CADM2: variants seen among roughly 807,000 people sequenced by gnomAD.
CADM2 encodes the protein immunoglobulin superfamily member 4D.
Under a neutral mutation model 49.8 loss-of-function variants are expected in CADM2, and 12 were observed. The observed-to-expected ratio is 0.24, with a 90% CI of 0.15 to 0.39. The LOEUF (loss-of-function observed/expected upper bound fraction) is 0.39, where lower values mean the gene tolerates loss of function less well. Ranked by LOEUF, CADM2 falls within the 10% of genes least tolerant of loss-of-function variation. CADM2 has a pLI of 1.00. For missense variants in CADM2, 378 were observed against 492.3 expected (o/e 0.77, Z 2.20); for synonymous variants, 214 against 175.4 (o/e 1.22, Z -1.74).
intron 1 of CADM2, among the ~76,000 whole-genome samples, chr3:85,343,852 T>C (rs1300395055): frequency 6.6e-6 from 1 of 152,198 alleles, no homozygotes; most frequent in African/African-American, 2.4e-5. Flanking sequence ...TACTTCACTC[T>C]CATAACTTTT....
chr3:85,197,933 A>G (rs2041384918), intron 1 of CADM2, among the ~76,000 whole-genome samples: 1 of 151,866 alleles, frequency 6.6e-6, no homozygotes, highest in Admixed American at 6.6e-5. Flanking sequence ...TTTGTCTTCA[A>G]GTCAGGTTGT....
intron 8 of CADM2, among the ~76,000 whole-genome samples, chr3:86,017,896 CTTTAAG>C (rs1732513638): frequency 7.0e-6 from 1 of 143,212 alleles, no homozygotes; most frequent in Non-Finnish European, 1.5e-5. Context: ...TTTTATTATA[CTTTAAG>C]TTTTAGGGTA....
At chr3:85,729,701 T>C (rs923422962) in intron 2 of CADM2, among the ~76,000 whole-genome samples, 5 of 152,234 alleles carry the variant, frequency 3.3e-5, no homozygotes, top group Non-Finnish European at 7.3e-5. Context: ...TCTAACGTAT[T>C]GCTAAGGCTC....
At chr3:85,412,125 G>A (rs936097601) in intron 1 of CADM2, among the ~76,000 whole-genome samples, 5 of 152,020 alleles carry the variant, frequency 3.3e-5, no homozygotes, top group African/African-American at 4.8e-5. Flanking sequence ...CCAACATGCC[G>A]GGCCCACATC....
intron 1 of CADM2, among the ~76,000 whole-genome samples, chr3:85,491,773 A>C (rs991018049): frequency 1.3e-5 from 2 of 151,954 alleles, no homozygotes; most frequent in African/African-American, 4.8e-5. Flanking sequence ...GACATGGTGA[A>C]ACCCCATCTC....
At chr3:86,027,228 G>C (rs910167289) in intron 8 of CADM2, among the ~76,000 whole-genome samples, 1 of 151,972 alleles carries the variant, frequency 6.6e-6, no homozygotes, top group Non-Finnish European at 1.5e-5. Context: ...CACAGCATTA[G>C]TTTATGCTCT....
At chr3:85,273,343 A>G (rs934584945) in intron 1 of CADM2, among the ~76,000 whole-genome samples, 2 of 151,286 alleles carry the variant, frequency 1.3e-5, no homozygotes, top group African/African-American at 4.8e-5. Context: ...GAAGAGGAAC[A>G]TGACTTAGTT....
At chr3:85,270,781 A>G (rs923512158) in intron 1 of CADM2, among the ~76,000 whole-genome samples, 2 of 151,400 alleles carry the variant, frequency 1.3e-5, no homozygotes, top group Admixed American at 1.3e-4. Flanking sequence ...ACACATATCT[A>G]TAAATTTGGC....
chr3:85,526,462 CAACAA>C (rs1012712135), intron 1 of CADM2, among the ~76,000 whole-genome samples: 175 of 152,042 alleles, frequency 1.2e-3, no homozygotes, highest in African/African-American at 4.0e-3. Flanking sequence ...AGTAGGTTTT[CAACAA>C]AACAAAACAA....
rs193101179 is a variant in CADM2 at position 86,048,752 on chromosome 3, A to G, written c.971-16853A>G. ...GACATAACTACTGTTATCTCCAATA[A>G]GTTTACATTGTACAAACAAGGAAAG... is the stretch of plus-strand genomic sequence containing the variant. On this transcript the variant is annotated intron_variant, in intron 8 of 9. Coordinates refer to ENST00000383699, the MANE Select transcript of CADM2 (RefSeq NM_001167675.2). Among the ~76,000 whole-genome samples the G allele has an allele frequency of 9.0e-4, 137 of 152,270 alleles. 1 individual carries two copies. Among genetic ancestry groups the G allele is most frequent in the African/African-American group, 3.1e-3 (130 of 41,590 alleles).
At chr3:85,730,611 C>T (rs2067891316) in intron 2 of CADM2, among the ~76,000 whole-genome samples, 1 of 152,068 alleles carries the variant, frequency 6.6e-6, no homozygotes, top group African/African-American at 2.4e-5. Flanking sequence ...TTAACAAGAT[C>T]ATCACTGCTT....
chr3:85,605,002 C>G (rs1208557493), intron 1 of CADM2, among the ~76,000 whole-genome samples: 1 of 151,974 alleles, frequency 6.6e-6, no homozygotes, highest in African/African-American at 2.4e-5. Context: ...TTGACAAATA[C>G]TACATCATCA....
intron 1 of CADM2, among the ~76,000 whole-genome samples, chr3:85,507,332 C>T (rs1169627091): frequency 2.6e-5 from 4 of 151,778 alleles, no homozygotes; most frequent in Non-Finnish European, 5.9e-5. Flanking sequence ...GGGCTATAGG[C>T]GTGCACCACC....
At position 84,959,687 on chromosome 3, in the gene CADM2, C is replaced by T; in HGVS notation, c.61+19C>T. 6.5e-7 allele frequency: 1 copy of T among 1,535,686 alleles called. No homozygotes were observed. Among genetic ancestry groups the T allele is most frequent in the Non-Finnish European group, 8.7e-7 (1 of 1,145,494 alleles). ...CTACAAGGTAATCCCCGCCCCGGCG[C>T]AGGGAACATCAACTTCTCGCCCATT... On this transcript the variant is annotated intron_variant, in intron 1 of 9. Transcript: ENST00000383699.
At chr3:85,620,381 A>C (rs1449738491) in intron 1 of CADM2, among the ~76,000 whole-genome samples, 2 of 152,090 alleles carry the variant, frequency 1.3e-5, no homozygotes, top group Non-Finnish European at 2.9e-5. Flanking sequence ...CATACACACA[A>C]ATATACACTT....
intron 1 of CADM2, among the ~76,000 whole-genome samples, chr3:85,449,449 T>A (rs1235300607): frequency 6.6e-6 from 1 of 152,120 alleles, no homozygotes; most frequent in Non-Finnish European, 1.5e-5. Flanking sequence ...TTAATTTGAA[T>A]GAGATTTTCT....
At chr3:85,005,981 A>G (rs1261377692) in intron 1 of CADM2, among the ~76,000 whole-genome samples, 1 of 152,146 alleles carries the variant, frequency 6.6e-6, no homozygotes, top group Admixed American at 6.6e-5. Context: ...AATAAATAAG[A>G]GAGAGAATGC....
chr3:85,496,504 C>A (rs964954636), intron 1 of CADM2, among the ~76,000 whole-genome samples: 2 of 152,118 alleles, frequency 1.3e-5, no homozygotes, highest in Admixed American at 6.6e-5. Flanking sequence ...AATGAACATA[C>A]GAATGCATGT....
chr3:85,870,173 G>T (rs2075870566), intron 3 of CADM2, among the ~76,000 whole-genome samples: 1 of 151,942 alleles, frequency 6.6e-6, no homozygotes, highest in African/African-American at 2.4e-5. Context: ...TATATATCTT[G>T]AATAGGTAGA....
Sources: allele counts gnomAD v4.1 joint callset (sites outside exome capture counted in the v4.1 genomes callset), GRCh38; gene constraint gnomAD v4.1.1; transcripts MANE v1.5; gene names NCBI Gene and HGNC (gene_info 2026-07-23, HGNC 2026-07-21).